VWA8: variants seen among roughly 807,000 people sequenced by gnomAD.
VWA8 encodes the protein von Willebrand factor A domain containing 8.
A neutral mutation model predicts 241.5 loss-of-function variants in VWA8; 221 were observed. That is an observed-to-expected ratio of 0.91 (90% confidence interval 0.82 to 1.02). The LOEUF is 1.02. VWA8 is among the 50% of genes least tolerant of loss of function. The probability of loss-of-function intolerance (pLI) is 0.00; values close to 1 mark genes in which losing one functional copy is unlikely to be tolerated. For synonymous variants in VWA8, 852 were observed against 827.1 expected (o/e 1.03, Z -0.52); for missense variants, 2,322 against 2,328.7 (o/e 1.00, Z 0.06).
chr13:41,663,356 T>C (rs190449268), intron 37 of VWA8, among the ~76,000 whole-genome samples: 1 of 152,296 alleles, frequency 6.6e-6, no homozygotes, highest in Admixed American at 6.5e-5. Flanking sequence ...GTTATTATTT[T>C]GACTTGTTAT....
In VWA8 at chr13:41,912,020, C is replaced by T. The variant is rs757554733; in HGVS notation, c.372+18G>A. On this transcript the variant is annotated intron_variant, in intron 3 of 44. Coordinates refer to ENST00000379310, the MANE Select transcript of VWA8 (RefSeq NM_015058.2). ...CAAAGTTAAGACCCTTAGAAATTGA[C>T]AAGAATTAACTGCTCACCAAGTACT... The T allele has an allele frequency of 1.9e-6, 3 of 1,541,504 alleles. No homozygotes were observed. Among genetic ancestry groups the T allele is most frequent in the Middle Eastern group, 3.5e-4 (2 of 5,786 alleles).
chr13:41,822,392 G>A (rs778404858), intron 14 of VWA8, among the ~76,000 whole-genome samples: 1 of 152,132 alleles, frequency 6.6e-6, no homozygotes, highest in Non-Finnish European at 1.5e-5. Context: ...GAGTTATACA[G>A]TTCTGTACAC....
chr13:41,803,906 C>A (rs1171502757), intron 17 of VWA8, among the ~76,000 whole-genome samples: 2 of 152,072 alleles, frequency 1.3e-5, no homozygotes, highest in African/African-American at 4.8e-5. Flanking sequence ...CTGAAGAATA[C>A]ATCAGTCTGT....
intron 40 of VWA8, among the ~76,000 whole-genome samples, chr13:41,594,910 G>A (rs554197312): frequency 1.7e-4 from 26 of 152,272 alleles, no homozygotes; most frequent in Admixed American, 5.9e-4. Context: ...TTCCCCCAAG[G>A]GGAAGAATTT....
intron 37 of VWA8, among the ~76,000 whole-genome samples, chr13:41,658,102 A>G (rs2044921809): frequency 6.6e-6 from 1 of 152,252 alleles, no homozygotes; most frequent in African/African-American, 2.4e-5. Flanking sequence ...ACTAAGCTAT[A>G]CAGTGTTTCC....
At chr13:41,911,086 C>T (rs1298977121) in intron 3 of VWA8, among the ~76,000 whole-genome samples, 10 of 127,788 alleles carry the variant, frequency 7.8e-5, no homozygotes, top group Admixed American at 1.8e-4. Context: ...TTTTTTGAGA[C>T]GGAGTCTCAC....
At chr13:41,714,564 A>G (rs2045336926) in intron 26 of VWA8, among the ~76,000 whole-genome samples, 1 of 152,042 alleles carries the variant, frequency 6.6e-6, no homozygotes, top group South Asian at 2.1e-4. Flanking sequence ...CAAATCAAGA[A>G]GAAATGATGG....
In VWA8 at chr13:41,570,717, A is replaced by G. The variant is rs9562321; in HGVS notation, c.5371-11T>C. On this transcript the variant is annotated splice_polypyrimidine_tract_variant and intron_variant, in intron 43 of 44. Transcript: ENST00000379310. Reference sequence around the variant, plus strand: ...GTGGGCATGCATTGTCTGGAGGTAAAAGAAGTTGCACAAAAGCCATGGCTG... The same window carrying G: ...GTGGGCATGCATTGTCTGGAGGTAAGAGAAGTTGCACAAAAGCCATGGCTG... 337,292 of 1,603,768 alleles carry G rather than the reference A, an allele frequency of 0.21. 42,140 individuals are homozygous for G. Among genetic ancestry groups the G allele is most frequent in the African/African-American group, 0.53 (39,274 of 74,784 alleles).
At chr13:41,838,464 G>C (rs1267515652) in intron 12 of VWA8, among the ~76,000 whole-genome samples, 1 of 152,084 alleles carries the variant, frequency 6.6e-6, no homozygotes, top group Non-Finnish European at 1.5e-5. Context: ...TAAATTGCTT[G>C]TAGCAAAAGT....
chr13:41,933,071 TG>T lies in VWA8; in HGVS notation c.241+16864del, dbSNP rs1202130875. Among the ~76,000 whole-genome samples, 9 of 152,130 alleles carry T rather than the reference TG, an allele frequency of 5.9e-5. 1 individual carries two copies. Among genetic ancestry groups the T allele is most frequent in the African/African-American group, 2.2e-4 (9 of 41,568 alleles). ...AGCTGTCTTTATTTATGGACATGAT[TG>T]TTTATATAGAAAATGTGATGCAATC... On this transcript the variant is annotated intron_variant, in intron 2 of 44. Coordinates refer to ENST00000379310, the MANE Select transcript of VWA8 (RefSeq NM_015058.2).
intron 13 of VWA8, among the ~76,000 whole-genome samples, chr13:41,831,613 GTTTTTTTT>G (rs71096547): frequency 5.4e-4 from 61 of 113,358 alleles, no homozygotes; most frequent in Non-Finnish European, 5.5e-4. Context: ...CCAGGCATGA[GTTTTTTTT>G]TTTTTTTTTT....
intron 14 of VWA8, among the ~76,000 whole-genome samples, chr13:41,829,566 CAT>C (rs1491197798): frequency 0.21 from 28,743 of 135,968 alleles, 3,207 homozygotes; most frequent in South Asian, 0.28. Context: ...CACACACACA[CAT>C]GCACACACAC....
intron 4 of VWA8, among the ~76,000 whole-genome samples, chr13:41,904,344 T>A (rs558926758): frequency 6.6e-6 from 1 of 152,302 alleles, no homozygotes; most frequent in African/African-American, 2.4e-5. Flanking sequence ...AATATATTTT[T>A]AAATCCATAC....
chr13:41,768,041 TTAAC>T (rs1200774949), intron 20 of VWA8, among the ~76,000 whole-genome samples: 1 of 152,264 alleles, frequency 6.6e-6, no homozygotes, highest in Non-Finnish European at 1.5e-5. Flanking sequence ...GGCAACTTCA[TTAAC>T]TAAGGGGTTT....
Position 41,819,254 on chromosome 13 carries a change from A to G in VWA8, c.1833T>C (p.Leu611=). ...TMFFFHYMKP[L]VKSEEIQVIK... The stretch of plus-strand genomic sequence containing the variant: ...TCACTTGGATTTCTTCACTTTTCAC[A>G]AGTGGTTTCATGTAATGGAAAAAGA... Residue 611 remains leucine, a synonymous_variant, in exon 15 of 45, where the codon CTT becomes CTC. Transcript: ENST00000379310. 6.2e-7 allele frequency: 1 copy of G among 1,610,538 alleles called. No individual in the cohort carries two copies. Among genetic ancestry groups the G allele is most frequent in the Non-Finnish European group, 8.5e-7 (1 of 1,179,306 alleles).
intron 12 of VWA8, among the ~76,000 whole-genome samples, chr13:41,844,679 A>G (rs1593811834): frequency 6.6e-6 from 1 of 152,160 alleles, no homozygotes; most frequent in East Asian, 1.9e-4. Context: ...TAGCATTCCT[A>G]CATACCAGTA....
rs2139626238 is a variant in VWA8 at position 41,567,331 on chromosome 13, T to C, written c.*866A>G. 1 of 152,338 alleles carries C rather than the reference T, an allele frequency of 6.6e-6. No individual in the cohort carries two copies. Among genetic ancestry groups the C allele is most frequent in the East Asian group, 1.9e-4 (1 of 5,190 alleles). 9.4% of individuals were successfully genotyped at this position (152,338 alleles called of 1,614,324 possible). A position where few individuals can be genotyped will look rare whatever the true frequency, so the allele number is the denominator to read the frequency against. On this transcript the variant is annotated 3_prime_UTR_variant, in exon 45 of 45. Coordinates refer to ENST00000379310, the MANE Select transcript of VWA8 (RefSeq NM_015058.2). ...TTGATTTTACTTTTTTTACTTTGCT[T>C]TAGGTAATTTTTATATGAATATTCT... is the stretch of plus-strand genomic sequence containing the variant.
At chr13:41,911,710 C>G (rs1876008195) in intron 3 of VWA8, among the ~76,000 whole-genome samples, 1 of 152,184 alleles carries the variant, frequency 6.6e-6, no homozygotes, top group South Asian at 2.1e-4. Flanking sequence ...GTTCACTAAG[C>G]AGTATAATAC....
intron 20 of VWA8, among the ~76,000 whole-genome samples, chr13:41,766,469 C>A (rs1467802534): frequency 1.3e-5 from 2 of 152,288 alleles, no homozygotes; most frequent in Admixed American, 6.5e-5. Flanking sequence ...GGGATCCCTG[C>A]AACAGCAGAT....
Sources: gnomAD v4.1 joint callset for allele counts (sites outside exome capture counted in the v4.1 genomes callset) on GRCh38, gnomAD v4.1.1 for gene constraint, MANE v1.5 for transcripts, NCBI Gene and HGNC (gene_info 2026-07-23, HGNC 2026-07-21) for gene names.